RELN: variants seen among roughly 807,000 people sequenced by gnomAD.
RELN encodes reelin.
In RELN, 108 loss-of-function variants were observed where a neutral mutation model predicts 427.6. That is an observed-to-expected ratio of 0.25 (90% CI 0.22 to 0.30). The LOEUF (loss-of-function observed/expected upper bound fraction) is 0.30. RELN is among the 10% of genes least tolerant of loss of function. The probability of loss-of-function intolerance (pLI) is 1.00; values close to 1 mark genes in which losing one functional copy is unlikely to be tolerated. For missense variants in RELN, 3,715 were observed against 4,302.8 expected (o/e 0.86, Z 3.82); for synonymous variants, 1,524 against 1,513.4 (o/e 1.01, Z -0.16).
chr7:103,970,803 T>A (rs1039097263), intron 1 of RELN, among the ~76,000 whole-genome samples: 20 of 152,240 alleles, frequency 1.3e-4, no homozygotes, highest in African/African-American at 4.8e-4. Flanking sequence ...ACTAATTCAG[T>A]GTTCACAGTC....
intron 1 of RELN, among the ~76,000 whole-genome samples, chr7:103,920,856 G>T (rs940619711): frequency 1.3e-5 from 2 of 152,144 alleles, no homozygotes; most frequent in Admixed American, 6.5e-5. Context: ...TTACAGGCAT[G>T]AGCCACCATA....
At chr7:103,584,940 T>G (rs1294643455) in intron 28 of RELN, among the ~76,000 whole-genome samples, 3 of 152,056 alleles carry the variant, frequency 2.0e-5, no homozygotes, top group South Asian at 2.1e-4. Context: ...ACATGGAAAC[T>G]AAACAACTTG....
rs1004314963 is a variant in RELN, at chr7:103,953,810, T to C, written c.226+35321A>G. Among the ~76,000 whole-genome samples, 5 of 151,926 alleles carry C rather than the reference T, an allele frequency of 3.3e-5. No individual in the cohort carries two copies. Among genetic ancestry groups the C allele is most frequent in the South Asian group, 2.1e-4 (1 of 4,806 alleles). On this transcript the variant is annotated intron_variant, in intron 1 of 64. Transcript: ENST00000428762. The surrounding 1 kb of genome is among the most constrained non-coding windows in gnomAD (Gnocchi z 4.3). ...ATCCAGGTGTGGTGGCACACGCCTA[T>C]AATCCCAACTACTCGGGAGACTGAG...
chr7:103,680,674 A>G (rs1218172470), intron 11 of RELN, among the ~76,000 whole-genome samples: 1 of 151,892 alleles, frequency 6.6e-6, no homozygotes, highest in East Asian at 2.0e-4. Flanking sequence ...AGAAGGGACC[A>G]GAAACCACTG....
intron 58 of RELN, 135 bp downstream of exon 58, chr7:103,491,818 A>T (rs1385324787): frequency 1.4e-6 from 1 of 701,690 alleles, no homozygotes; most frequent in African/African-American, 1.9e-5. Context: ...AACAAGAGCG[A>T]AACTGTCTCT....
At chr7:103,927,759 T>G (rs987921110) in intron 1 of RELN, among the ~76,000 whole-genome samples, 89 of 152,178 alleles carry the variant, frequency 5.8e-4, no homozygotes, top group African/African-American at 2.1e-3. Flanking sequence ...GTTTTCAATA[T>G]AGCTATAAGA....
chr7:103,503,503 G>A (rs901921025), intron 51 of RELN, among the ~76,000 whole-genome samples: 2 of 152,188 alleles, frequency 1.3e-5, no homozygotes, highest in Non-Finnish European at 2.9e-5. Context: ...GAATGCCTTG[G>A]AAGGCCTGGG....
At chr7:103,721,218 CT>C (rs1489155075) in intron 8 of RELN, among the ~76,000 whole-genome samples, 4 of 150,742 alleles carry the variant, frequency 2.7e-5, no homozygotes, top group African/African-American at 9.8e-5. Flanking sequence ...TTCCTTCCTC[CT>C]TCCACCCTTC....
At chr7:103,677,171 C>T (rs1003550864) in intron 11 of RELN, among the ~76,000 whole-genome samples, 1 of 150,014 alleles carries the variant, frequency 6.7e-6, no homozygotes, top group Admixed American at 6.7e-5. Flanking sequence ...ATCAGAAAAC[C>T]AAACAGTGCA....
chr7:103,502,272 T>C (rs1405030861), intron 52 of RELN, among the ~76,000 whole-genome samples: 1 of 152,226 alleles, frequency 6.6e-6, no homozygotes, highest in Non-Finnish European at 1.5e-5. Context: ...GTAATAATAA[T>C]AATAATAATA....
intron 1 of RELN, among the ~76,000 whole-genome samples, chr7:103,986,631 A>T (rs1254627048): frequency 4.0e-5 from 2 of 49,414 alleles, no homozygotes; most frequent in Non-Finnish European, 8.8e-5. Context: ...CTTTTAGGTA[A>T]AAAAAAAAAA....
At chr7:103,637,693 T>C (rs1174841785) in intron 17 of RELN, among the ~76,000 whole-genome samples, 1 of 152,206 alleles carries the variant, frequency 6.6e-6, no homozygotes, top group African/African-American at 2.4e-5. Context: ...TGAGCCTTCT[T>C]TCACATGTTG....
chr7:103,633,612 G>T (rs1162020199), intron 19 of RELN, among the ~76,000 whole-genome samples: 2 of 151,982 alleles, frequency 1.3e-5, no homozygotes, highest in East Asian at 3.9e-4. Flanking sequence ...ATTCTTAGAA[G>T]AAAAATGTTG....
At chr7:103,784,508 T>A (rs1390882238) in intron 3 of RELN, among the ~76,000 whole-genome samples, 3 of 152,138 alleles carry the variant, frequency 2.0e-5, no homozygotes, top group Non-Finnish European at 1.5e-5. Flanking sequence ...TTGTTTAAAT[T>A]TAAAATGGCT....
intron 3 of RELN, among the ~76,000 whole-genome samples, chr7:103,820,553 T>TAA (rs11407230): frequency 1.8e-3 from 265 of 148,496 alleles, no homozygotes; most frequent in South Asian, 4.9e-3. Context: ...CACTCATTCT[T>TAA]AAAAAAAAAA....
chr7:103,666,702 T>C (rs959565734), intron 11 of RELN, among the ~76,000 whole-genome samples: 2 of 152,208 alleles, frequency 1.3e-5, no homozygotes, highest in Non-Finnish European at 2.9e-5. Context: ...GGTTCCCTGG[T>C]CCTGAATTTC....
chr7:103,859,015 T>A (rs1289417059), intron 2 of RELN, among the ~76,000 whole-genome samples: 2 of 152,222 alleles, frequency 1.3e-5, no homozygotes, highest in South Asian at 4.1e-4. Context: ...CAGCTCTTCA[T>A]GACTGTGAAC....
rs770907934 is a variant in RELN, at chr7:103,636,267, T to A, written c.2271A>T (p.Leu757=). The part of the protein sequence containing the change: ...LVFNKDGRRQ[L]ITSFLDSSQS... ...GTGAGCTGTCAAGGAAAGATGTAAT[T>A]AGCTGACGCCGCCCATCTTTGTTGA... The change falls in exon 18 of 65, where the codon CTA becomes CTT. Residue 757 remains leucine, a synonymous_variant. Transcript: ENST00000428762. The A allele has an allele frequency of 1.9e-6, 3 of 1,613,788 alleles. No individual in the cohort carries two copies.
intron 1 of RELN, among the ~76,000 whole-genome samples, chr7:103,922,460 T>C (rs1795637460): frequency 6.6e-6 from 1 of 152,114 alleles, no homozygotes; most frequent in Admixed American, 6.6e-5. Context: ...AAATAAAATA[T>C]AAGGGATCAA....
Sources: gnomAD v4.1 joint callset for allele counts (sites outside exome capture counted in the v4.1 genomes callset) on GRCh38, gnomAD v4.1.1 for gene constraint, Gnocchi (gnomAD v3.1) non-coding constraint, MANE v1.5 for transcripts, NCBI Gene and HGNC (gene_info 2026-07-23, HGNC 2026-07-21) for gene names.